The following TAFA2 variants were observed in gnomAD, a reference collection of about 807,000 sequenced individuals.
TAFA2 encodes TAFA chemokine like family member 2.
TAFA2 carries 7 observed loss-of-function variants against 18.8 expected under a neutral mutation model. That is an observed-to-expected ratio of 0.37 (90% CI 0.21 to 0.70). The LOEUF is 0.70. TAFA2 is among the 30% of genes least tolerant of loss of function. The pLI is 0.53. For missense variants in TAFA2, 122 were observed against 158.1 expected (o/e 0.77, Z 1.23); for synonymous variants, 60 against 54.2 (o/e 1.11, Z -0.47).
At chr12:61,818,334 T>C (rs565393143) in intron 2 of TAFA2, among the ~76,000 whole-genome samples, 1 of 152,252 alleles carries the variant, frequency 6.6e-6, no homozygotes, top group South Asian at 2.1e-4. Flanking sequence ...ACAATAATTA[T>C]TTGCTTGGGA....
At chr12:61,851,774 C>CAAAAAAAAAAAAAAAAAAAAAA (rs55651727) in intron 2 of TAFA2, among the ~76,000 whole-genome samples, 1 of 14,502 alleles carries the variant, frequency 6.9e-5, no homozygotes. Context: ...GACTCCATCT[C>CAAAAAAAAAAAAAAAAAAAAAA]AAAAAAAAAA....
At chr12:62,208,791 C>G (rs2062702248) in intron 1 of TAFA2, among the ~76,000 whole-genome samples, 1 of 152,138 alleles carries the variant, frequency 6.6e-6, no homozygotes, top group African/African-American at 2.4e-5. Context: ...AACTTTATCT[C>G]ACTTAATTTA....
chr12:62,050,377 T>C (rs546755991), intron 1 of TAFA2, among the ~76,000 whole-genome samples: 1 of 152,202 alleles, frequency 6.6e-6, no homozygotes, highest in Non-Finnish European at 1.5e-5. Context: ...AAGACCATCC[T>C]GGCTAACACG....
At chr12:62,048,456 G>T (rs1881965935) in intron 1 of TAFA2, among the ~76,000 whole-genome samples, 2 of 152,104 alleles carry the variant, frequency 1.3e-5, no homozygotes, top group African/African-American at 4.8e-5. Flanking sequence ...GGATTCTGGG[G>T]ATTTTAATTC....
chr12:62,194,819 A>C (rs1209205345), upstream of TAFA2, among the ~76,000 whole-genome samples: 2 of 152,358 alleles, frequency 1.3e-5, no homozygotes, highest in East Asian at 3.9e-4. Flanking sequence ...ATTGCAATAA[A>C]GTGAGTCACA....
intron 1 of TAFA2, among the ~76,000 whole-genome samples, chr12:62,128,608 C>T (rs760699207): frequency 3.3e-5 from 5 of 152,046 alleles, no homozygotes; most frequent in Non-Finnish European, 5.9e-5. Context: ...CCTCTCCCCG[C>T]TCTCCCTTCC....
intron 1 of TAFA2, among the ~76,000 whole-genome samples, chr12:62,154,310 CAGG>C (rs1386931554): frequency 6.6e-6 from 1 of 152,054 alleles, no homozygotes; most frequent in Non-Finnish European, 1.5e-5. Flanking sequence ...ATGGGGGAAG[CAGG>C]AGAATAGGGG....
chr12:61,929,652 C>T (rs851901), intron 1 of TAFA2, among the ~76,000 whole-genome samples: 101,108 of 149,740 alleles, frequency 0.68, 35,636 homozygotes, highest in East Asian at 0.9. Flanking sequence ...ATCCCATTAC[C>T]GGGTATATAC....
At chr12:62,099,785 T>G (rs1452462113) in intron 1 of TAFA2, among the ~76,000 whole-genome samples, 1 of 152,082 alleles carries the variant, frequency 6.6e-6, no homozygotes, top group Non-Finnish European at 1.5e-5. Flanking sequence ...AAGTATCCCC[T>G]TCACTTTACA....
At chr12:61,716,653 A>G (rs116820142) in intron 4 of TAFA2, among the ~76,000 whole-genome samples, 2,909 of 152,296 alleles carry the variant, frequency 0.019, 103 homozygotes, top group African/African-American at 0.066. Context: ...TATTTATATA[A>G]TAGAAGTGAA....
At chr12:62,009,968 C>T (rs1429041967) in intron 1 of TAFA2, among the ~76,000 whole-genome samples, 1 of 152,132 alleles carries the variant, frequency 6.6e-6, no homozygotes, top group East Asian at 1.9e-4. Flanking sequence ...TAGCTACTCC[C>T]CTGCCAGAAA....
intron 2 of TAFA2, among the ~76,000 whole-genome samples, chr12:61,765,264 A>G (rs1222615062): frequency 6.6e-6 from 1 of 152,096 alleles, no homozygotes; most frequent in Non-Finnish European, 1.5e-5. Context: ...AACCATGTGT[A>G]GAAGATTGCA....
chr12:62,083,444 G>C (rs1285868448), intron 1 of TAFA2, among the ~76,000 whole-genome samples: 2 of 151,780 alleles, frequency 1.3e-5, no homozygotes, highest in Non-Finnish European at 2.9e-5. Flanking sequence ...CATTTTTCTG[G>C]GGCATATGCC....
intron 1 of TAFA2, among the ~76,000 whole-genome samples, chr12:61,982,404 G>A (rs952669809): frequency 6.6e-5 from 10 of 151,920 alleles, no homozygotes; most frequent in African/African-American, 1.9e-4. Flanking sequence ...AAACCTGCAC[G>A]TTGTGCACAT....
At chr12:62,089,781 C>T (rs1868630872) in intron 1 of TAFA2, among the ~76,000 whole-genome samples, 1 of 151,906 alleles carries the variant, frequency 6.6e-6, no homozygotes, top group Non-Finnish European at 1.5e-5. Flanking sequence ...TAGGTGAAGC[C>T]CACTATTTCT....
At position 62,104,745 on chromosome 12, in the gene TAFA2, T is replaced by C. The variant is rs187746011; in HGVS notation, c.-2+86514A>G. The C allele has an allele frequency of 5.2e-3, 2,381 of 455,238 alleles. 14 individuals carry two copies. Among genetic ancestry groups the C allele is most frequent in the Non-Finnish European group, 8.1e-3 (1,826 of 226,446 alleles). 28.2% of individuals were successfully genotyped at this position (455,238 alleles called of 1,614,324 possible). A position where few individuals can be genotyped will look rare whatever the true frequency, so the allele number is the denominator to read the frequency against. ...ATGCACGCTTCATCCTAAATTTACC[T>C]GGTAATCGGGGTGACCATCGGTGTA... is the stretch of plus-strand genomic sequence containing the variant. On this transcript the variant is annotated intron_variant, in intron 1 of 4. Coordinates refer to ENST00000416284, the MANE Select transcript of TAFA2 (RefSeq NM_178539.5).
intron 4 of TAFA2, among the ~76,000 whole-genome samples, chr12:61,750,320 T>A (rs190921576): frequency 3.9e-5 from 6 of 152,246 alleles, no homozygotes. Flanking sequence ...CAGAAAGTCA[T>A]AAATTTTCCA....
chr12:61,881,680 T>C (rs1252390515), intron 1 of TAFA2, among the ~76,000 whole-genome samples: 6 of 152,092 alleles, frequency 3.9e-5, no homozygotes, highest in Non-Finnish European at 8.8e-5. Flanking sequence ...TGAGGACACA[T>C]GGGAAGGAGA....
At chr12:62,250,443 TTG>T (rs568066409) in intron 1 of TAFA2, among the ~76,000 whole-genome samples, 75 of 152,314 alleles carry the variant, frequency 4.9e-4, no homozygotes, top group African/African-American at 1.6e-3. Flanking sequence ...TATGTATGAC[TTG>T]TTTTATTTTT....
Sources: allele counts gnomAD v4.1 joint callset (sites outside exome capture counted in the v4.1 genomes callset), GRCh38; gene constraint gnomAD v4.1.1; transcripts MANE v1.5; gene names NCBI Gene and HGNC (gene_info 2026-07-23, HGNC 2026-07-21).